Variants in CENPV observed in about 807,000 individuals in gnomAD.
CENPV encodes centromere protein V, also known as nuclear protein p30.
Under a neutral mutation model 26.4 loss-of-function variants are expected in CENPV, and 15 were observed. The ratio of observed to expected loss-of-function variants is 0.57; its 90% confidence interval spans 0.38 to 0.88. CENPV has a LOEUF of 0.88. CENPV is among the 40% of genes least tolerant of loss of function. The pLI, the probability that CENPV is intolerant of heterozygous loss-of-function variation, is 0.00. For synonymous variants in CENPV, 172 were observed against 165.5 expected (o/e 1.04, Z -0.30); for missense variants, 336 against 376.5 (o/e 0.89, Z 0.89).
rs1053415209 is a variant in CENPV at position 16,353,404 on chromosome 17, C to T, written c.33G>A (p.Lys11=). 2.5e-4 allele frequency: 292 copies of T among 1,182,418 alleles called. No individual in the cohort carries two copies. The highest frequency in any genetic ancestry group is 2.6e-4 in the Non-Finnish European group (254 of 958,598). The allele number at this position is 1,182,418 out of a possible 1,614,324, so 73.2% of individuals were successfully genotyped here. Residue 11 remains lysine (K), a synonymous_variant, in exon 1 of 5, where the codon AAG becomes AAA. Transcript: ENST00000299736. ...CCCCGGACCGCTTCTGCCCGCGCAG[C>T]TTGGCGGCCGCAGAGCTCCTCGATC... MRRSRSSAAA[K]LRGQKRSGAS... is the part of the protein sequence containing the mutation.
At chr17:16,343,603 TC>T (rs2093192130) in intron 4 of CENPV, among the ~76,000 whole-genome samples, 2 of 152,156 alleles carry the variant, frequency 1.3e-5, no homozygotes, top group African/African-American at 2.4e-5. Context: ...TAGATAACTT[TC>T]TAAGAATTAA....
chr17:16,344,394 G>C, intron 4 of CENPV: 1 of 333,520 alleles, frequency 3.0e-6, no homozygotes, highest in Admixed American at 4.9e-5. Flanking sequence ...ACCACATTCA[G>C]ATATGGGATT....
At chr17:16,353,004 GC>G (rs2093234282) in intron 1 of CENPV, 22 bp downstream of exon 1, 33 of 1,526,902 alleles carry the variant, frequency 2.2e-5, no homozygotes, top group Admixed American at 6.2e-5. Flanking sequence ...CGGCTCCCGC[GC>G]CCCCCGGCCC....
At chr17:16,345,452 C>T (rs1600901329) in intron 3 of CENPV, among the ~76,000 whole-genome samples, 1 of 148,984 alleles carries the variant, frequency 6.7e-6, no homozygotes, top group South Asian at 2.1e-4. Context: ...CATCTGTAGT[C>T]CCAGCTACCT....
intron 1 of CENPV, among the ~76,000 whole-genome samples, chr17:16,352,256 G>A (rs1174099978): frequency 6.6e-6 from 1 of 152,210 alleles, no homozygotes; most frequent in Non-Finnish European, 1.5e-5. Flanking sequence ...CGCATTTGGA[G>A]AAAAGAAGGC....
chr17:16,349,773 T>A (rs1182415171), intron 2 of CENPV, 158 bp downstream of exon 2: 4 of 1,433,946 alleles, frequency 2.8e-6, no homozygotes, highest in African/African-American at 2.9e-5. Context: ...GGAACAAAAA[T>A]AGAACAATGA....
At chr17:16,352,752 CTTTGTG>C (rs2093233377) in intron 1 of CENPV, among the ~76,000 whole-genome samples, 1 of 152,164 alleles carries the variant, frequency 6.6e-6, no homozygotes, top group Admixed American at 6.5e-5. Context: ...GGGAAAGACT[CTTTGTG>C]TCCCAAGACG....
intron 1 of CENPV, among the ~76,000 whole-genome samples, chr17:16,352,663 G>A (rs1270743143): frequency 6.6e-6 from 1 of 152,108 alleles, no homozygotes; most frequent in African/African-American, 2.4e-5. Context: ...TGGGATTTAT[G>A]TTCTTTTCAC....
chr17:16,353,462 C>A lies in CENPV; in HGVS notation c.-26G>T, dbSNP rs2093236363. 9.4e-7 allele frequency: 1 copy of A among 1,069,020 alleles called. No individual in the cohort carries two copies. The highest frequency in any genetic ancestry group is 5.4e-5 in the Admixed American group (1 of 18,510). The allele number at this position is 1,069,020 out of a possible 1,614,324, so 66.2% of individuals were successfully genotyped here. The stretch of plus-strand genomic sequence containing the variant: ...GGCTCCCGCAGCCTGGCGCGCAGGC[C>A]TCGCAGCGCGGCGCGCCCCCGCCGG... On this transcript the variant is annotated 5_prime_UTR_variant, in exon 1 of 5. In the 5' UTR this introduces an upstream ATG that the reference lacks. Transcript: ENST00000299736.
At chr17:16,345,279 AAAC>A (rs1387017933) in intron 3 of CENPV, among the ~76,000 whole-genome samples, 6 of 147,518 alleles carry the variant, frequency 4.1e-5, no homozygotes, top group Non-Finnish European at 7.4e-5. Context: ...AAAAAAAAAA[AAAC>A]ACCTTTGGCC....
chr17:16,348,870 AG>A, intron 2 of CENPV, 185 bp from the exon 3 acceptor site: 4 of 1,390,418 alleles, frequency 2.9e-6, no homozygotes, highest in African/African-American at 2.9e-5. Context: ...AGCAGAGCCC[AG>A]GGGGGTCCCA....
chr17:16,349,773 T>C, intron 2 of CENPV, 158 bp downstream of exon 2: 1 of 1,434,064 alleles, frequency 7.0e-7, no homozygotes, highest in Non-Finnish European at 9.1e-7. Context: ...GGAACAAAAA[T>C]AGAACAATGA....
intron 2 of CENPV, chr17:16,349,385 T>C: frequency 1.0e-6 from 1 of 985,906 alleles, no homozygotes; most frequent in Non-Finnish European, 1.2e-6. Flanking sequence ...CATGCCAACT[T>C]TGGGTCCCAA....
In CENPV at chr17:16,353,146, C is replaced by A. The variant is rs372877471; in HGVS notation, c.291G>T (p.Ala97=). The change falls in exon 1 of 5, where the codon GCG becomes GCT. Residue 97 remains alanine, a synonymous_variant. Transcript: ENST00000299736. ...GGTTGGACGCCGAGGACGTCGGGGT[C>A]GCGGGAGTCGGCGGCGGCGGCGGCG... ...PPPPPPPPTP[A]TPTSSASNLD... The A allele has an allele frequency of 6.7e-7, 1 of 1,483,476 alleles. No homozygotes were observed. The highest frequency in any genetic ancestry group is 2.8e-5 in the East Asian group (1 of 36,330). The allele number at this position is 1,483,476 out of a possible 1,614,324, so 91.9% of individuals were successfully genotyped here.
Position 16,349,969 on chromosome 17 carries a change from T to C in CENPV, c.471A>G (p.Glu157=). ...GGCHCGAVRF[E]VWASADLHIF... ...TATGCAAGTCTGCTGAGGCCCAAAC[T>C]TCAAAACGAACTGCTCCACAGTGGC... The change falls in exon 2 of 5, where the codon GAA becomes GAG. Residue 157 remains glutamate (E), a synonymous_variant. Transcript: ENST00000299736. The C allele has an allele frequency of 6.2e-7, 1 of 1,613,938 alleles. No individual in the cohort carries two copies. Among genetic ancestry groups the C allele is most frequent in the Non-Finnish European group, 8.5e-7 (1 of 1,179,976 alleles).
intron 4 of CENPV, 79 bp from the exon 5 acceptor site, chr17:16,343,020 C>A (rs1444637819): frequency 6.5e-7 from 1 of 1,533,452 alleles, no homozygotes; most frequent in Non-Finnish European, 9.0e-7. Context: ...TGGATAAGCC[C>A]CCACCTGCAG....
intron 2 of CENPV, chr17:16,349,056 G>T (rs978695858): frequency 3.0e-6 from 3 of 996,274 alleles, no homozygotes; most frequent in Non-Finnish European, 3.6e-6. Context: ...ACCAAAAATG[G>T]ACAAGGAAGT....
At chr17:16,352,020 G>A (rs2093230840) in intron 1 of CENPV, among the ~76,000 whole-genome samples, 1 of 152,120 alleles carries the variant, frequency 6.6e-6, no homozygotes, top group South Asian at 2.1e-4. Flanking sequence ...CTTCTGTCGG[G>A]GACGACTCAT....
In CENPV at chr17:16,342,686, C is replaced by T. The variant is rs2093187336; in HGVS notation, c.*131G>A. ...GGTAGCTGGAGCAAACTGCAGAGAT[C>T]AAGATGACCCTAGTCAACGGAACCA... On this transcript the variant is annotated 3_prime_UTR_variant, in exon 5 of 5. Coordinates refer to ENST00000299736, the MANE Select transcript of CENPV (RefSeq NM_181716.3). The T allele has an allele frequency of 9.5e-7, 1 of 1,047,326 alleles. No individual in the cohort carries two copies. The highest frequency in any genetic ancestry group is 1.6e-5 in the African/African-American group (1 of 63,326). The allele number at this position is 1,047,326 out of a possible 1,614,324, so 64.9% of individuals were successfully genotyped here.
Sources: gnomAD v4.1 joint callset for allele counts (sites outside exome capture counted in the v4.1 genomes callset) on GRCh38, gnomAD v4.1.1 for gene constraint, MANE v1.5 for transcripts, NCBI Gene and HGNC (gene_info 2026-07-23, HGNC 2026-07-21) for gene names.